Variants in ST7 observed in about 807,000 individuals in gnomAD.
ST7 encodes suppression of tumorigenicity 7.
Under a neutral mutation model 78.7 loss-of-function variants are expected in ST7, and 28 were observed. The ratio of observed to expected loss-of-function variants is 0.36; its 90% CI spans 0.26 to 0.49. The LOEUF is 0.49. ST7 is among the 20% of genes least tolerant of loss of function. The probability of loss-of-function intolerance (pLI) is 0.99; values close to 1 mark genes in which losing one functional copy is unlikely to be tolerated. For synonymous variants in ST7, 247 were observed against 249.6 expected (o/e 0.99, Z 0.10); for missense variants, 418 against 696.0 (o/e 0.60, Z 4.49).
rs1331214466 is a variant in ST7, at chr7:117,212,470, CAGCAT to C, written c.1405+2536_1405+2540del. ...CAATTGAAATTTACATCACTACTTA[CAGCAT>C]AGGGTGTATTTATTACACCTGATCT... On this transcript the variant is annotated intron_variant, in intron 13 of 15. Coordinates refer to ENST00000323984, the MANE Select transcript of ST7 (RefSeq NM_001369598.1). 2.0e-5 allele frequency among the ~76,000 whole-genome samples: 3 copies of C among 152,298 alleles called. No homozygotes were observed. In the East Asian group the frequency reaches 5.8e-4, roughly 29 times the overall value.
At chr7:117,079,392 C>T (rs1799586671) in intron 1 of ST7, among the ~76,000 whole-genome samples, 1 of 152,140 alleles carries the variant, frequency 6.6e-6, no homozygotes, top group South Asian at 2.1e-4. Flanking sequence ...TAATTTCATA[C>T]AGGATTTTGT....
At chr7:116,965,208 C>T (rs895689202) in intron 1 of ST7, among the ~76,000 whole-genome samples, 1 of 151,788 alleles carries the variant, frequency 6.6e-6, no homozygotes, top group Non-Finnish European at 1.5e-5. Context: ...GGTGTAGTGG[C>T]GGGCGCCTGT....
chr7:117,046,988 AT>A (rs1289794692), intron 1 of ST7, among the ~76,000 whole-genome samples: 6 of 152,206 alleles, frequency 3.9e-5, no homozygotes, highest in Non-Finnish European at 8.8e-5. Flanking sequence ...TGCCAGGAGG[AT>A]TTAATGACAG....
rs181670519 is a variant in ST7 at position 117,103,479 on chromosome 7, C to T, written c.234+3635C>T. 3.9e-5 allele frequency among the ~76,000 whole-genome samples: 6 copies of T among 152,266 alleles called. No individual in the cohort carries two copies. The East Asian group carries it at 5.8e-4, about 15-fold the overall frequency. On this transcript the variant is annotated intron_variant, in intron 2 of 15. Coordinates refer to ENST00000323984, the MANE Select transcript of ST7 (RefSeq NM_001369598.1). ...ACAGTCAACTCATTTTCGACAAAGG[C>T]ACTGAGAACGTACATTGGAGAATGG...
intron 1 of ST7, chr7:117,015,101 T>C (rs1795545717): frequency 3.1e-6 from 2 of 646,812 alleles, no homozygotes; most frequent in Non-Finnish European, 4.5e-6. Flanking sequence ...ACTACATTGA[T>C]TGTGTGAGTA....
chr7:117,004,335 A>C (rs1487461591), intron 1 of ST7, among the ~76,000 whole-genome samples: 2 of 152,198 alleles, frequency 1.3e-5, no homozygotes, highest in Non-Finnish European at 2.9e-5. Flanking sequence ...GTACCATTTC[A>C]TCATGGGTAA....
intron 1 of ST7, among the ~76,000 whole-genome samples, chr7:117,007,104 A>G (rs971679856): frequency 3.9e-5 from 6 of 152,238 alleles, no homozygotes; most frequent in Admixed American, 6.5e-5. Flanking sequence ...TCTCACTTTA[A>G]ATCAAAAGCT....
intron 13 of ST7, 94 bp from the exon 14 acceptor site, chr7:117,218,990 C>G: frequency 1.1e-6 from 1 of 915,646 alleles, no homozygotes; most frequent in Non-Finnish European, 1.7e-6. Context: ...TAGAAGTGTT[C>G]CCTGTTATAA....
Position 117,141,921 on chromosome 7 carries a change from C to T in ST7, c.963+3389C>T, listed in dbSNP as rs140537777. 5.0e-3 allele frequency among the ~76,000 whole-genome samples: 762 copies of T among 152,010 alleles called. 7 individuals are homozygous for T. Among genetic ancestry groups the T allele is most frequent in the African/African-American group, 0.018 (730 of 41,460 alleles). ...GTGGTCTCCAGTAATCCACCCACTT[C>T]GGCCTCCCAAAATTCTGAGATTACT... On this transcript the variant is annotated intron_variant, in intron 9 of 15. Transcript: ENST00000323984.
intron 12 of ST7, among the ~76,000 whole-genome samples, chr7:117,205,383 T>G (rs1262218379): frequency 6.6e-6 from 1 of 151,924 alleles, no homozygotes; most frequent in Non-Finnish European, 1.5e-5. Context: ...AATGTACCTG[T>G]TTTTTTTCAC....
chr7:117,153,146 G>A (rs1035294899), intron 9 of ST7, among the ~76,000 whole-genome samples: 6 of 152,138 alleles, frequency 3.9e-5, no homozygotes, highest in African/African-American at 1.4e-4. Context: ...AGAAAGATAA[G>A]TCATAGATAA....
chr7:117,032,560 TC>T (rs1165036112), intron 1 of ST7, among the ~76,000 whole-genome samples: 2 of 152,146 alleles, frequency 1.3e-5, no homozygotes, highest in Non-Finnish European at 2.9e-5. Context: ...ATGACATTTG[TC>T]ACCTTTAAAA....
chr7:117,182,679 G>C (rs539737429), intron 10 of ST7: 8 of 152,200 alleles, frequency 5.3e-5, no homozygotes, highest in Non-Finnish European at 1.2e-4. Context: ...GGCCGTTCTA[G>C]CTGGTATTCA....
intron 1 of ST7, among the ~76,000 whole-genome samples, chr7:117,080,012 G>T (rs1460574683): frequency 9.0e-6 from 1 of 110,574 alleles, no homozygotes; most frequent in South Asian, 3.1e-4. Flanking sequence ...ACGGAGTCTC[G>T]CTCTGTCGCC....
intron 1 of ST7, among the ~76,000 whole-genome samples, chr7:117,063,803 C>G (rs1023598451): frequency 6.6e-6 from 1 of 152,188 alleles, no homozygotes; most frequent in African/African-American, 2.4e-5. Flanking sequence ...TTGAAGGTAG[C>G]TGAATTTTTA....
At chr7:117,061,996 T>C (rs1236801235) in intron 1 of ST7, among the ~76,000 whole-genome samples, 1 of 152,196 alleles carries the variant, frequency 6.6e-6, no homozygotes, top group Admixed American at 6.5e-5. Flanking sequence ...CTCACAGTTA[T>C]GAAGGTTGGG....
chr7:117,066,108 C>T (rs554228417), intron 1 of ST7, among the ~76,000 whole-genome samples: 4 of 152,312 alleles, frequency 2.6e-5, no homozygotes, highest in South Asian at 4.1e-4. Flanking sequence ...CTGATTTATT[C>T]ATGTTTTTTC....
At chr7:117,095,834 G>A (rs1213261845) in intron 1 of ST7, among the ~76,000 whole-genome samples, 8 of 151,920 alleles carry the variant, frequency 5.3e-5, no homozygotes, top group African/African-American at 7.3e-5. Context: ...TTGGGAGGCC[G>A]AGGTGGGCGG....
intron 1 of ST7, among the ~76,000 whole-genome samples, chr7:116,994,932 T>C (rs1192988015): frequency 6.6e-6 from 1 of 152,188 alleles, no homozygotes; most frequent in Non-Finnish European, 1.5e-5. Flanking sequence ...TTTCCTTCTT[T>C]CCTGGGAGGT....
Sources: allele counts gnomAD v4.1 joint callset (sites outside exome capture counted in the v4.1 genomes callset), GRCh38; gene constraint gnomAD v4.1.1; transcripts MANE v1.5; gene names NCBI Gene and HGNC (gene_info 2026-07-23, HGNC 2026-07-21).